DLG2: variants seen among roughly 807,000 people sequenced by gnomAD.
DLG2 encodes the protein discs large MAGUK scaffold protein 2.
Under a neutral mutation model 132.5 loss-of-function variants are expected in DLG2, and 45 were observed. That is an observed-to-expected ratio of 0.34 (90% CI 0.27 to 0.44). The LOEUF is 0.44. Ranked by LOEUF, DLG2 falls within the 20% of genes least tolerant of loss-of-function variation. The pLI is 1.00. For missense variants in DLG2, 1,045 were observed against 1,196.9 expected (o/e 0.87, Z 1.87); for synonymous variants, 424 against 419.6 (o/e 1.01, Z -0.13).
intron 19 of DLG2, among the ~76,000 whole-genome samples, chr11:83,556,479 C>G (rs1157193190): frequency 5.3e-5 from 8 of 151,558 alleles, no homozygotes; most frequent in African/African-American, 1.7e-4. Context: ...TTCAAGTGAT[C>G]CTCCCATCTC....
chr11:84,249,047 T>A (rs150093906), intron 8 of DLG2, among the ~76,000 whole-genome samples: 1 of 152,334 alleles, frequency 6.6e-6, no homozygotes, highest in East Asian at 1.9e-4. Context: ...GACCCTTAGA[T>A]CTTACTGATA....
At chr11:84,807,385 G>T (rs1363168185) in intron 6 of DLG2, among the ~76,000 whole-genome samples, 1 of 152,178 alleles carries the variant, frequency 6.6e-6, no homozygotes, top group Non-Finnish European at 1.5e-5. Flanking sequence ...GGCAGATGTT[G>T]CAGTGAGCCG....
At chr11:83,517,457 T>C (rs1043122683) in intron 21 of DLG2, among the ~76,000 whole-genome samples, 15 of 152,198 alleles carry the variant, frequency 9.9e-5, no homozygotes, top group African/African-American at 3.6e-4. Context: ...TTCTTTGCCA[T>C]GGGTTCAAAC....
At chr11:85,149,092 T>C (rs2077052649) in intron 5 of DLG2, among the ~76,000 whole-genome samples, 1 of 152,332 alleles carries the variant, frequency 6.6e-6, no homozygotes, top group Admixed American at 6.5e-5. Flanking sequence ...GTCTCTGTCC[T>C]GTTCCCTTGG....
chr11:84,468,808 T>C (rs995229807), intron 7 of DLG2, among the ~76,000 whole-genome samples: 6 of 151,684 alleles, frequency 4.0e-5, no homozygotes, highest in South Asian at 2.1e-4. Flanking sequence ...GTTTCTCCTT[T>C]GTTATTCCAT....
At chr11:84,648,532 A>T (rs2099677572) in intron 6 of DLG2, among the ~76,000 whole-genome samples, 1 of 152,042 alleles carries the variant, frequency 6.6e-6, no homozygotes, top group Admixed American at 6.6e-5. Flanking sequence ...TCCGCATCTC[A>T]TGTTGAAATT....
intron 7 of DLG2, among the ~76,000 whole-genome samples, chr11:84,416,900 T>C (rs372110169): frequency 3.3e-5 from 5 of 152,356 alleles, no homozygotes; most frequent in Middle Eastern, 3.4e-3. Flanking sequence ...ATGCCAAATA[T>C]TGAATTTTGT....
At chr11:85,595,006 A>C (rs1236603823) in intron 3 of DLG2, among the ~76,000 whole-genome samples, 1 of 148,750 alleles carries the variant, frequency 6.7e-6, no homozygotes, top group Non-Finnish European at 1.5e-5. Context: ...CAGAAGTTGC[A>C]GTGAGCCGAT....
intron 19 of DLG2, among the ~76,000 whole-genome samples, chr11:83,590,041 G>A (rs960517973): frequency 7.9e-6 from 1 of 126,480 alleles, no homozygotes; most frequent in Non-Finnish European, 1.7e-5. Flanking sequence ...CATTAATAAT[G>A]GGAGACTTTA....
At chr11:85,267,587 A>T (rs2077292210) in intron 4 of DLG2, among the ~76,000 whole-genome samples, 1 of 152,182 alleles carries the variant, frequency 6.6e-6, no homozygotes, top group Admixed American at 6.5e-5. Flanking sequence ...AGTAACACCA[A>T]AACCAACTCA....
At chr11:85,506,062 G>A (rs2153142341) in intron 3 of DLG2, among the ~76,000 whole-genome samples, 1 of 152,262 alleles carries the variant, frequency 6.6e-6, no homozygotes, top group South Asian at 2.1e-4. Context: ...GATCAGTGGT[G>A]ATATCCCCTT....
At chr11:84,074,722 G>T (rs1365077098) in intron 10 of DLG2, among the ~76,000 whole-genome samples, 1 of 151,860 alleles carries the variant, frequency 6.6e-6, no homozygotes, top group East Asian at 1.9e-4. Flanking sequence ...TACAGACGGG[G>T]TTTCACCATG....
rs1288225690 is a variant in DLG2 at position 83,590,844 on chromosome 11, CA to C, written c.1940+42366del. On this transcript the variant is annotated intron_variant, in intron 19 of 27. Coordinates refer to ENST00000376104, the MANE Select transcript of DLG2 (RefSeq NM_001142699.3). ...ATCTCACAGAAATACAAACTACCAT[CA>C]GAGAATACTACAAACACCTCTATGC... Among the ~76,000 whole-genome samples, 20 of 152,092 alleles carry C rather than the reference CA, an allele frequency of 1.3e-4. 1 individual carries two copies. In the South Asian group the frequency reaches 3.3e-3, roughly 25 times the overall value.
chr11:85,454,465 C>G (rs1266705375), intron 3 of DLG2, among the ~76,000 whole-genome samples: 1 of 152,178 alleles, frequency 6.6e-6, no homozygotes, highest in Non-Finnish European at 1.5e-5. Flanking sequence ...CAAATATTTT[C>G]TCCCATTCTT....
At chr11:84,857,356 C>G (rs1387450885) in intron 6 of DLG2, among the ~76,000 whole-genome samples, 2 of 150,586 alleles carry the variant, frequency 1.3e-5, no homozygotes, top group East Asian at 3.9e-4. Flanking sequence ...CAAGGCAACA[C>G]ATGATTATGC....
intron 3 of DLG2, among the ~76,000 whole-genome samples, chr11:85,287,497 T>A (rs957011582): frequency 1.3e-5 from 2 of 152,078 alleles, no homozygotes; most frequent in Admixed American, 1.3e-4. Context: ...TTGTCAAAAA[T>A]AATTAAGTCT....
intron 7 of DLG2, among the ~76,000 whole-genome samples, chr11:84,281,071 A>T (rs192897449): frequency 1.7e-3 from 255 of 152,178 alleles, no homozygotes; most frequent in African/African-American, 5.7e-3. Context: ...TAAAGGAAAG[A>T]TAATATTTTC....
intron 9 of DLG2, among the ~76,000 whole-genome samples, chr11:84,148,693 C>T (rs771718633): frequency 2.6e-5 from 4 of 152,006 alleles, no homozygotes; most frequent in Non-Finnish European, 5.9e-5. Flanking sequence ...GAGCATGTGT[C>T]TTTTTGGTAG....
intron 7 of DLG2, among the ~76,000 whole-genome samples, chr11:84,294,341 G>A (rs1256703531): frequency 6.6e-6 from 1 of 152,192 alleles, no homozygotes; most frequent in African/African-American, 2.4e-5. Flanking sequence ...GCTCACACCT[G>A]TAATCCCAGC....
Sources: gnomAD v4.1 joint callset for allele counts (sites outside exome capture counted in the v4.1 genomes callset) on GRCh38, gnomAD v4.1.1 for gene constraint, MANE v1.5 for transcripts, NCBI Gene and HGNC (gene_info 2026-07-23, HGNC 2026-07-21) for gene names.